The following RABEP1 variants were observed in gnomAD, a reference collection of about 807,000 sequenced individuals.
RABEP1 encodes the protein rabaptin, RAB GTPase binding effector protein 1, also known as rab GTPase-binding effector protein 1.
A neutral mutation model predicts 123.4 loss-of-function variants in RABEP1; 51 were observed. The ratio of observed to expected loss-of-function variants is 0.41; its 90% CI spans 0.33 to 0.52. The LOEUF is 0.52. RABEP1 is among the 20% of genes least tolerant of loss of function. The pLI, the probability that RABEP1 is intolerant of heterozygous loss-of-function variation, is 0.16. For missense variants in RABEP1, 888 were observed against 996.3 expected (o/e 0.89, Z 1.46); for synonymous variants, 347 against 355.2 (o/e 0.98, Z 0.26).
intron 4 of RABEP1, chr17:5,336,650 G>A: frequency 3.1e-6 from 1 of 325,244 alleles, no homozygotes; most frequent in Non-Finnish European, 5.9e-6. Context: ...TTGGAATTGT[G>A]AAGTCATATT....
At position 5,384,490 on chromosome 17, in the gene RABEP1, C is replaced by T. The variant is rs1321280332; in HGVS notation, c.*1267C>T. On this transcript the variant is annotated 3_prime_UTR_variant, in exon 18 of 18. Transcript: ENST00000537505. ...AGACTGGTTGCATAACAGCAGGGTACCTGAAAGAGCCTTCTGGGAGTTAGT... is the reference window on the plus strand; with the variant it reads ...AGACTGGTTGCATAACAGCAGGGTATCTGAAAGAGCCTTCTGGGAGTTAGT... 1.8e-5 allele frequency: 4 copies of T among 216,316 alleles called. No individual in the cohort carries two copies. Among genetic ancestry groups the T allele is most frequent in the Non-Finnish European group, 3.7e-5 (4 of 107,552 alleles). 13.4% of individuals were successfully genotyped at this position (216,316 alleles called of 1,614,324 possible). A position where few individuals can be genotyped will look rare whatever the true frequency, so the allele number is the denominator to read the frequency against.
rs1212493709 is a variant in RABEP1 at position 5,282,481 on chromosome 17, C to T, written c.-6C>T. 4 of 1,331,628 alleles carry T rather than the reference C, an allele frequency of 3.0e-6. No homozygotes were observed. The highest frequency in any genetic ancestry group is 3.1e-5 in the East Asian group (1 of 31,940). The allele number at this position is 1,331,628 out of a possible 1,614,324, so 82.5% of individuals were successfully genotyped here. A position where few individuals can be genotyped will look rare whatever the true frequency, so the allele number is the denominator to read the frequency against. ...ATCCCCGCTCCCCGAGGCCGGCCGC[C>T]TGGTCATGGCGCAGCCGGGCCCGGC... On this transcript the variant is annotated 5_prime_UTR_variant, in exon 1 of 18. Coordinates refer to ENST00000537505, the MANE Select transcript of RABEP1 (RefSeq NM_004703.6).
intron 8 of RABEP1, among the ~76,000 whole-genome samples, chr17:5,360,418 C>T (rs11652949): frequency 0.27 from 40,398 of 152,096 alleles, 5,747 homozygotes; most frequent in African/African-American, 0.37. Flanking sequence ...AAACATTAGC[C>T]GGGCGAGGTG....
At chr17:5,318,991 G>C (rs577684376) in intron 2 of RABEP1, among the ~76,000 whole-genome samples, 1 of 150,360 alleles carries the variant, frequency 6.7e-6, no homozygotes, top group South Asian at 2.1e-4. Flanking sequence ...AGATGTATCA[G>C]AATACCACTT....
chr17:5,366,725 A>G (rs938057659), intron 11 of RABEP1, among the ~76,000 whole-genome samples: 5 of 151,604 alleles, frequency 3.3e-5, no homozygotes, highest in African/African-American at 7.3e-5. Context: ...GGTGTGAGCC[A>G]TGCACCTGGC....
chr17:5,355,769 TAAAA>T (rs1483029802), intron 8 of RABEP1, among the ~76,000 whole-genome samples: 1 of 152,148 alleles, frequency 6.6e-6, no homozygotes, highest in African/African-American at 2.4e-5. Flanking sequence ...AAGAAAAACT[TAAAA>T]AAAATTTTAG....
chr17:5,322,499 C>T (rs79892880), intron 2 of RABEP1, among the ~76,000 whole-genome samples: 25,577 of 152,128 alleles, frequency 0.17, 2,240 homozygotes, highest in Middle Eastern at 0.22. Flanking sequence ...ATTAGCCAAT[C>T]TGATGGGTGA....
chr17:5,326,744 A>G lies in RABEP1; in HGVS notation c.164-5205A>G, dbSNP rs767422155. ...GTGGATGTACAGGGGTGTGGGGCAT[A>G]TGGGAAACCTCTGTATTTTCTGCTC... On this transcript the variant is annotated intron_variant, in intron 2 of 17. Coordinates refer to ENST00000537505, the MANE Select transcript of RABEP1 (RefSeq NM_004703.6). Among the ~76,000 whole-genome samples the G allele has an allele frequency of 1.8e-4, 28 of 152,230 alleles. 1 individual carries two copies. Among genetic ancestry groups the G allele is most frequent in the Non-Finnish European group, 1.8e-4 (12 of 68,010 alleles).
At chr17:5,372,743 T>C (rs1012081069) in intron 12 of RABEP1, among the ~76,000 whole-genome samples, 1 of 149,628 alleles carries the variant, frequency 6.7e-6, no homozygotes, top group Non-Finnish European at 1.5e-5. Flanking sequence ...TACAGGGATA[T>C]GGAGGGAAAA....
chr17:5,381,348 C>G (rs765595108), intron 16 of RABEP1, 41 bp from the exon 17 acceptor site: 75 of 1,594,704 alleles, frequency 4.7e-5, no homozygotes, highest in Non-Finnish European at 6.2e-5. Flanking sequence ...AGTAATTCGG[C>G]CCTTTGGCAT....
rs1173023281 is a variant in RABEP1 at position 5,282,540 on chromosome 17, AGGCGCGGCG to A, written c.34+29_34+37del. On this transcript the variant is annotated intron_variant, in intron 1 of 17. Transcript: ENST00000537505. ...CTGACGGTGAGGCGCCCACCATGGC[AGGCGCGGCG>A]GGCGCGGCCTGCCCGGCGTCGGCGT... 1.7e-6 allele frequency: 2 copies of A among 1,193,540 alleles called. No individual in the cohort carries two copies. The highest frequency in any genetic ancestry group is 2.1e-6 in the Non-Finnish European group (2 of 959,158). The allele number at this position is 1,193,540 out of a possible 1,614,324, so 73.9% of individuals were successfully genotyped here. A position where few individuals can be genotyped will look rare whatever the true frequency, so the allele number is the denominator to read the frequency against.
intron 15 of RABEP1, 79 bp downstream of exon 15, chr17:5,378,311 T>TA: frequency 1.5e-6 from 2 of 1,346,046 alleles, no homozygotes; most frequent in Non-Finnish European, 2.1e-6. Flanking sequence ...ACCCAACGAA[T>TA]AAAAAATAGT....
At chr17:5,290,151 G>C (rs899539655) in intron 1 of RABEP1, among the ~76,000 whole-genome samples, 2 of 152,136 alleles carry the variant, frequency 1.3e-5, no homozygotes, top group Admixed American at 1.3e-4. Context: ...GCAGTGGCAC[G>C]ATCTCAGCTC....
chr17:5,367,354 G>C lies in RABEP1; in HGVS notation c.1786-1016G>C, dbSNP rs568225580. Among the ~76,000 whole-genome samples the C allele has an allele frequency of 1.0e-3, 156 of 150,914 alleles. 1 individual carries two copies. Among genetic ancestry groups the C allele is most frequent in the Middle Eastern group, 3.5e-3 (1 of 286 alleles). On this transcript the variant is annotated intron_variant, in intron 11 of 17. Transcript: ENST00000537505. ...TGGCACGATCTTGGCTCACTGCAAC[G>C]TCTGCCTCCCAGGTTCAAGCGATTC...
rs1324229150 is a variant in RABEP1, at chr17:5,374,457, GAC to G, written c.2025+1007_2025+1008del. Among the ~76,000 whole-genome samples the G allele has an allele frequency of 2.6e-4, 40 of 151,366 alleles. 1 individual carries two copies. The highest frequency in any genetic ancestry group is 8.8e-4 in the African/African-American group (36 of 41,042). On this transcript the variant is annotated intron_variant, in intron 13 of 17. Transcript: ENST00000537505. ...TTAATTTTTAATTTTTATTTTTTGA[GAC>G]ACAGTTTCATTCTGTCCCCTAGGCT...
At chr17:5,352,044 T>A (rs925479903) in intron 7 of RABEP1, among the ~76,000 whole-genome samples, 1 of 152,218 alleles carries the variant, frequency 6.6e-6, no homozygotes, top group Non-Finnish European at 1.5e-5. Flanking sequence ...TTCACTGCCT[T>A]TCTAAGTATC....
At chr17:5,311,264 C>CT (rs763219686) in intron 2 of RABEP1, among the ~76,000 whole-genome samples, 3 of 152,180 alleles carry the variant, frequency 2.0e-5, no homozygotes, top group Non-Finnish European at 4.4e-5. Flanking sequence ...AGAGACCATA[C>CT]TTTAAAAACT....
intron 10 of RABEP1, among the ~76,000 whole-genome samples, chr17:5,363,505 A>G (rs1269182682): frequency 1.3e-5 from 2 of 152,082 alleles, no homozygotes; most frequent in Non-Finnish European, 2.9e-5. Flanking sequence ...GGTGTGAGCC[A>G]CCGCGCTCGG....
intron 3 of RABEP1, among the ~76,000 whole-genome samples, chr17:5,332,588 G>A (rs1041643421): frequency 1.5e-5 from 2 of 135,958 alleles, no homozygotes; most frequent in Non-Finnish European, 3.1e-5. Flanking sequence ...TTGGCCATAC[G>A]TTTTAGAATT....
Sources: gnomAD v4.1 joint callset for allele counts (sites outside exome capture counted in the v4.1 genomes callset) on GRCh38, gnomAD v4.1.1 for gene constraint, MANE v1.5 for transcripts, NCBI Gene and HGNC (gene_info 2026-07-23, HGNC 2026-07-21) for gene names.